LUC7L: variants seen among roughly 807,000 people sequenced by gnomAD.
LUC7L encodes the protein putative RNA-binding protein Luc7-like 1.
Under a neutral mutation model 51.1 loss-of-function variants are expected in LUC7L, and 29 were observed. The ratio of observed to expected loss-of-function variants is 0.57; its 90% CI spans 0.42 to 0.77. The LOEUF (loss-of-function observed/expected upper bound fraction) is 0.77, where lower values mean the gene tolerates loss of function less well. Ranked by LOEUF, LUC7L falls within the 30% of genes least tolerant of loss-of-function variation. The pLI is 0.00. For synonymous variants in LUC7L, 181 were observed against 180.7 expected (o/e 1.00, Z -0.01); for missense variants, 403 against 511.9 (o/e 0.79, Z 2.05).
At chr16:200,416 G>GAAAAAAAAA (rs577587041) in intron 5 of LUC7L, among the ~76,000 whole-genome samples, 1 of 119,114 alleles carries the variant, frequency 8.4e-6, no homozygotes, top group Non-Finnish European at 1.7e-5. Context: ...CGTCTCAAAA[G>GAAAAAAAAA]AAAAAAAAAA....
At chr16:216,671 C>T (rs1432774085) in intron 3 of LUC7L, among the ~76,000 whole-genome samples, 2 of 152,118 alleles carry the variant, frequency 1.3e-5, no homozygotes, top group Non-Finnish European at 2.9e-5. Context: ...TAAGCCACCT[C>T]GCCTGACCTA....
chr16:206,262 T>C, intron 4 of LUC7L, 115 bp from the exon 5 acceptor site: 1 of 1,022,010 alleles, frequency 9.8e-7, no homozygotes, highest in Non-Finnish European at 1.5e-6. Context: ...GAGCTAAAGA[T>C]CCACACTTAA....
chr16:216,157 A>G (rs2049790024), intron 3 of LUC7L, among the ~76,000 whole-genome samples: 1 of 151,892 alleles, frequency 6.6e-6, no homozygotes, highest in South Asian at 2.1e-4. Context: ...GCCCAGCACC[A>G]CGCCCGGCTA....
chr16:192,770 C>T (rs1309198625), intron 7 of LUC7L, among the ~76,000 whole-genome samples, 157 bp downstream of exon 7: 1 of 152,104 alleles, frequency 6.6e-6, no homozygotes, highest in Non-Finnish European at 1.5e-5. Flanking sequence ...CCCAAACTGA[C>T]AGGATTACAG....
At chr16:228,225 G>A in intron 1 of LUC7L, 2 of 1,296,280 alleles carry the variant, frequency 1.5e-6, no homozygotes, top group South Asian at 1.2e-5. Context: ...TTAATGTAGT[G>A]TCTTTTTATT....
intron 5 of LUC7L, among the ~76,000 whole-genome samples, chr16:202,567 A>T (rs1318414432): frequency 9.9e-5 from 15 of 152,208 alleles, no homozygotes; most frequent in Non-Finnish European, 1.3e-4. Context: ...AACATGCTGT[A>T]CAGGTGTGGA....
chr16:223,221 C>T (rs1170562317), intron 2 of LUC7L, among the ~76,000 whole-genome samples: 6 of 151,588 alleles, frequency 4.0e-5, no homozygotes, highest in African/African-American at 1.5e-4. Context: ...ATTAGCTGGG[C>T]GCCTGTAGTC....
chr16:216,563 G>A (rs910251361), intron 3 of LUC7L, among the ~76,000 whole-genome samples: 5 of 150,980 alleles, frequency 3.3e-5, no homozygotes, highest in South Asian at 2.1e-4. Flanking sequence ...TTGTATTTTC[G>A]GTAGACACGG....
chr16:199,880 C>T (rs987996962), intron 5 of LUC7L, among the ~76,000 whole-genome samples: 1 of 150,720 alleles, frequency 6.6e-6, no homozygotes, highest in African/African-American at 2.4e-5. Context: ...GTCCCAGCTA[C>T]TCAGGAGGCT....
intron 2 of LUC7L, among the ~76,000 whole-genome samples, chr16:223,031 T>C (rs2050020186): frequency 6.6e-6 from 1 of 151,202 alleles, no homozygotes; most frequent in African/African-American, 2.4e-5. Flanking sequence ...GAGGCTTGCA[T>C]GTCTGACTCT....
chr16:189,067 A>G lies in LUC7L; in HGVS notation c.*131T>C, dbSNP rs1393433294. 3 of 1,049,862 alleles carry G rather than the reference A, an allele frequency of 2.9e-6. No homozygotes were observed. The East Asian group carries it at 7.2e-5, about 25-fold the overall frequency. The allele number at this position is 1,049,862 out of a possible 1,614,324, so 65.0% of individuals were successfully genotyped here. ...CAGGAGCAACTCTGTACACTTCTAG[A>G]AACTCACAGCTAGCTCCAAAACAAT... On this transcript the variant is annotated 3_prime_UTR_variant, in exon 10 of 10. Transcript: ENST00000293872.
chr16:222,975 G>A (rs1483204239), intron 2 of LUC7L, among the ~76,000 whole-genome samples: 1 of 149,808 alleles, frequency 6.7e-6, no homozygotes, highest in Non-Finnish European at 1.5e-5. Flanking sequence ...AAAAAAGAAA[G>A]GAAGGCTTTA....
At position 215,434 on chromosome 16, in the gene LUC7L, T is replaced by C. The variant is rs12599005; in HGVS notation, c.255+5215A>G. Among the ~76,000 whole-genome samples, 34 of 151,824 alleles carry C rather than the reference T, an allele frequency of 2.2e-4. No individual in the cohort carries two copies. In the East Asian group the frequency reaches 4.5e-3, roughly 20 times the overall value. On this transcript the variant is annotated intron_variant, in intron 3 of 9. Coordinates refer to ENST00000293872, the MANE Select transcript of LUC7L (RefSeq NM_201412.3). ...AGGAGTTTGAGACCAGCCTGACCAGTATTGTAAAACCCCGTCTCTACTAAA... is the reference window on the plus strand; with the variant it reads ...AGGAGTTTGAGACCAGCCTGACCAGCATTGTAAAACCCCGTCTCTACTAAA...
chr16:207,952 T>C, intron 4 of LUC7L, 126 bp downstream of exon 4: 2 of 594,384 alleles, frequency 3.4e-6, no homozygotes, highest in East Asian at 6.6e-5. Flanking sequence ...GAGCTTGCAC[T>C]GAGCTGAGAT....
intron 2 of LUC7L, among the ~76,000 whole-genome samples, chr16:221,504 C>G (rs964719294): frequency 6.6e-6 from 1 of 151,928 alleles, no homozygotes; most frequent in Non-Finnish European, 1.5e-5. Context: ...GAGTTCAAGG[C>G]CAGCCTGCCC....
chr16:223,009 GA>G (rs112870213), intron 2 of LUC7L, among the ~76,000 whole-genome samples: 66 of 151,242 alleles, frequency 4.4e-4, no homozygotes, highest in African/African-American at 1.4e-3. Context: ...TCTTGAGGGG[GA>G]AAAAAATAGA....
At chr16:198,960 A>G in intron 6 of LUC7L, 102 bp downstream of exon 6, 1 of 1,207,138 alleles carries the variant, frequency 8.3e-7, no homozygotes, top group Non-Finnish European at 1.1e-6. Flanking sequence ...GATTATAGGC[A>G]TCAGCCACCA....
chr16:220,773 G>C, intron 2 of LUC7L, 26 bp from the exon 3 acceptor site: 1 of 1,487,776 alleles, frequency 6.7e-7, no homozygotes, highest in Non-Finnish European at 9.4e-7. Flanking sequence ...AGAAAATGCA[G>C]ACCTCAGTGC....
chr16:205,639 G>A (rs2049461751), intron 5 of LUC7L, among the ~76,000 whole-genome samples: 1 of 152,180 alleles, frequency 6.6e-6, no homozygotes, highest in South Asian at 2.1e-4. Context: ...GCCCAGGCTG[G>A]AGTGCAGTGG....
Sources: allele counts gnomAD v4.1 joint callset (sites outside exome capture counted in the v4.1 genomes callset), GRCh38; gene constraint gnomAD v4.1.1; transcripts MANE v1.5; gene names NCBI Gene and HGNC (gene_info 2026-07-23, HGNC 2026-07-21).